Variants in LAMC1 observed in about 807,000 individuals in gnomAD.
LAMC1 encodes the protein laminin subunit gamma-1.
LAMC1 carries 38 observed loss-of-function variants against 173.6 expected under a neutral mutation model. The observed-to-expected ratio is 0.22, with a 90% CI of 0.17 to 0.29. The LOEUF (loss-of-function observed/expected upper bound fraction) is 0.29. Among genes scored for constraint, LAMC1 ranks in the 10% least tolerant of loss-of-function variants. The probability of loss-of-function intolerance (pLI) is 1.00; values close to 1 mark genes in which losing one functional copy is unlikely to be tolerated. For synonymous variants in LAMC1, 746 were observed against 749.1 expected (o/e 1.00, Z 0.07); for missense variants, 1,824 against 2,051.8 (o/e 0.89, Z 2.14).
intron 1 of LAMC1, among the ~76,000 whole-genome samples, chr1:183,040,202 T>C (rs1231996881): frequency 6.6e-6 from 1 of 152,226 alleles, no homozygotes; most frequent in Non-Finnish European, 1.5e-5. Context: ...TGCTGTCTTT[T>C]TGTGCCTCCC....
At chr1:183,032,107 A>C (rs1329089131) in intron 1 of LAMC1, among the ~76,000 whole-genome samples, 1 of 152,196 alleles carries the variant, frequency 6.6e-6, no homozygotes, top group Non-Finnish European at 1.5e-5. Context: ...ACTGCACCAG[A>C]CTAGGGTGGC....
At chr1:183,125,863 C>G (rs1459870219) in intron 15 of LAMC1, among the ~76,000 whole-genome samples, 1 of 152,156 alleles carries the variant, frequency 6.6e-6, no homozygotes, top group African/African-American at 2.4e-5. Context: ...TTCAAAGCTG[C>G]TACTTAGTGT....
chr1:183,059,766 G>C (rs757329019), intron 1 of LAMC1, among the ~76,000 whole-genome samples: 1 of 152,194 alleles, frequency 6.6e-6, no homozygotes, highest in Non-Finnish European at 1.5e-5. Flanking sequence ...GGCTGGGATC[G>C]TGTGTGGCAT....
At chr1:183,129,247 CG>C (rs66644811) in intron 18 of LAMC1, among the ~76,000 whole-genome samples, 82,533 of 151,276 alleles carry the variant, frequency 0.55, 22,706 homozygotes, top group South Asian at 0.65. Context: ...CCACCATGCC[CG>C]GGGTAATTTT....
chr1:183,140,388 C>A lies in LAMC1; in HGVS notation c.4474-16C>A. 6.4e-7 allele frequency: 1 copy of A among 1,573,026 alleles called. No individual in the cohort carries two copies. The highest frequency in any genetic ancestry group is 8.7e-7 in the Non-Finnish European group (1 of 1,146,316). Reference sequence around the variant, plus strand: ...AACATACAGTCAAGACTCTTTGCCTCATTTTTCCCTTACAGGCTTCACAGG... The same window carrying A: ...AACATACAGTCAAGACTCTTTGCCTAATTTTTCCCTTACAGGCTTCACAGG... On this transcript the variant is annotated splice_polypyrimidine_tract_variant and intron_variant, in intron 26 of 27. Transcript: ENST00000258341.
At position 183,083,853 on chromosome 1, in the gene LAMC1, C is replaced by A. The variant is rs1285459175; in HGVS notation, c.419-19475C>A. ...CTTTTAAATCATCAGCATAATTTCC[C>A]ATATATTATATTAATTTTCATGAAT... is the stretch of plus-strand genomic sequence containing the variant. On this transcript the variant is annotated intron_variant, in intron 1 of 27. Transcript: ENST00000258341. Among the ~76,000 whole-genome samples, 4 of 151,970 alleles carry A rather than the reference C, an allele frequency of 2.6e-5. No homozygotes were observed. The East Asian group carries it at 7.7e-4, about 29-fold the overall frequency.
intron 1 of LAMC1, among the ~76,000 whole-genome samples, chr1:183,030,570 A>G (rs905785756): frequency 6.6e-6 from 1 of 152,200 alleles, no homozygotes; most frequent in African/African-American, 2.4e-5. Context: ...TCTCCATTTT[A>G]TAAGATATAT....
At chr1:183,120,879 A>G (rs980441839) in intron 11 of LAMC1, among the ~76,000 whole-genome samples, 4 of 152,192 alleles carry the variant, frequency 2.6e-5, no homozygotes, top group South Asian at 2.1e-4. Flanking sequence ...AAATTATGTA[A>G]CCTGAGTATT....
chr1:183,044,150 TAC>T (rs1654207148), intron 1 of LAMC1, among the ~76,000 whole-genome samples: 1 of 152,168 alleles, frequency 6.6e-6, no homozygotes, highest in Non-Finnish European at 1.5e-5. Flanking sequence ...TCTAAAAGAT[TAC>T]AGTCTCCTTG....
At chr1:183,134,574 T>A (rs912142524) in intron 22 of LAMC1, 86 bp from the exon 23 acceptor site, 2 of 1,004,614 alleles carry the variant, frequency 2.0e-6, no homozygotes, top group African/African-American at 3.2e-5. Context: ...TCATTGAGTA[T>A]TAGGTGTTAC....
chr1:183,042,496 G>GT (rs768414410), intron 1 of LAMC1, among the ~76,000 whole-genome samples: 14 of 152,184 alleles, frequency 9.2e-5, no homozygotes, highest in Admixed American at 3.9e-4. Flanking sequence ...GGATGGGTTG[G>GT]TGGGGAGAGA....
chr1:183,030,970 C>G (rs1653834232), intron 1 of LAMC1, among the ~76,000 whole-genome samples: 1 of 152,104 alleles, frequency 6.6e-6, no homozygotes, highest in Admixed American at 6.5e-5. Context: ...ACACCCCAGC[C>G]TGGACGACGT....
chr1:183,092,821 C>G (rs1183290438), intron 1 of LAMC1, among the ~76,000 whole-genome samples: 1 of 152,094 alleles, frequency 6.6e-6, no homozygotes, highest in Non-Finnish European at 1.5e-5. Context: ...CACTCCAATC[C>G]ACTCCAAACC....
At chr1:183,055,628 A>G (rs992466466) in intron 1 of LAMC1, among the ~76,000 whole-genome samples, 1 of 152,024 alleles carries the variant, frequency 6.6e-6, no homozygotes, top group South Asian at 2.1e-4. Flanking sequence ...CCTGGCCAAC[A>G]TGGTGAAACC....
At chr1:183,055,805 C>T (rs1435415155) in intron 1 of LAMC1, among the ~76,000 whole-genome samples, 1 of 151,418 alleles carries the variant, frequency 6.6e-6, no homozygotes, top group Non-Finnish European at 1.5e-5. Context: ...GAGGGAGACT[C>T]CGTCTCAAAA....
At chr1:183,044,650 C>T (rs1403606425) in intron 1 of LAMC1, among the ~76,000 whole-genome samples, 1 of 152,046 alleles carries the variant, frequency 6.6e-6, no homozygotes, top group African/African-American at 2.4e-5. Context: ...AGAAAGGCCA[C>T]GGAGCTATTT....
At chr1:183,037,519 A>G (rs1654013821) in intron 1 of LAMC1, among the ~76,000 whole-genome samples, 1 of 152,206 alleles carries the variant, frequency 6.6e-6, no homozygotes, top group Non-Finnish European at 1.5e-5. Flanking sequence ...TTAATTGATG[A>G]ATAGCTAGCT....
intron 1 of LAMC1, among the ~76,000 whole-genome samples, chr1:183,065,602 C>T (rs1654856753): frequency 6.6e-6 from 1 of 152,204 alleles, no homozygotes; most frequent in Non-Finnish European, 1.5e-5. Context: ...GCTTTAAAAG[C>T]AATGGCTAGA....
At position 183,089,993 on chromosome 1, in the gene LAMC1, C is replaced by A. The variant is rs139546063; in HGVS notation, c.419-13335C>A. Among the ~76,000 whole-genome samples the A allele has an allele frequency of 2.6e-3, 393 of 152,286 alleles. 6 individuals are homozygous for A. Among genetic ancestry groups the A allele is most frequent in the African/African-American group, 9.1e-3 (378 of 41,560 alleles). ...TCAAAAGGGGCCCAGTTTACCTGGGCATGATAAGAAGTCTCCTCTGTTTTA... is the reference window on the plus strand; with the variant it reads ...TCAAAAGGGGCCCAGTTTACCTGGGAATGATAAGAAGTCTCCTCTGTTTTA... On this transcript the variant is annotated intron_variant, in intron 1 of 27. Transcript: ENST00000258341.
Sources: allele counts gnomAD v4.1 joint callset (sites outside exome capture counted in the v4.1 genomes callset), GRCh38; gene constraint gnomAD v4.1.1; transcripts MANE v1.5; gene names NCBI Gene and HGNC (gene_info 2026-07-23, HGNC 2026-07-21).